ANXA2: variants seen among roughly 807,000 people sequenced by gnomAD.
ANXA2 encodes the protein annexin A2.
ANXA2 carries 28 observed loss-of-function variants against 47.3 expected under a neutral mutation model. That is an observed-to-expected ratio of 0.59 (90% CI 0.44 to 0.81). The LOEUF (loss-of-function observed/expected upper bound fraction) is 0.81, where lower values mean the gene tolerates loss of function less well. Ranked by LOEUF, ANXA2 falls within the 40% of genes least tolerant of loss-of-function variation. ANXA2 has a pLI of 0.00. For synonymous variants in ANXA2, 172 were observed against 155.5 expected, an observed-to-expected ratio of 1.11 and a Z score of -0.79; for missense variants, 384 against 414.3, an observed-to-expected ratio of 0.93 and a Z score of 0.64.
intron 3 of ANXA2, among the ~76,000 whole-genome samples, chr15:60,365,139 T>C (rs1003761968): frequency 3.3e-5 from 5 of 151,198 alleles, no homozygotes; most frequent in Non-Finnish European, 7.4e-5. Context: ...TCCACTGCCT[T>C]TAATCTTCAA....
At chr15:60,380,503 A>G (rs552809824) in intron 3 of ANXA2, among the ~76,000 whole-genome samples, 87 of 151,918 alleles carry the variant, frequency 5.7e-4, no homozygotes, top group African/African-American at 1.8e-3. Context: ...CAAAAAAAAA[A>G]AAAAAAGAAA....
chr15:60,351,363 G>A (rs1896006081), intron 10 of ANXA2, 112 bp from the exon 11 acceptor site: 2 of 1,038,154 alleles, frequency 1.9e-6, no homozygotes, highest in African/African-American at 1.6e-5. Context: ...TAATGCAATG[G>A]AAAAGGGCTG....
chr15:60,391,544 G>A (rs867387571), intron 1 of ANXA2, among the ~76,000 whole-genome samples: 1 of 152,148 alleles, frequency 6.6e-6, no homozygotes, highest in Non-Finnish European at 1.5e-5. Flanking sequence ...GCTTGCCTAT[G>A]GAAATACTGG....
chr15:60,353,132 A>G (rs2062374479), intron 8 of ANXA2, among the ~76,000 whole-genome samples: 1 of 152,214 alleles, frequency 6.6e-6, no homozygotes, highest in African/African-American at 2.4e-5. Flanking sequence ...CGTGTGGAAT[A>G]TATTGAATTT....
intron 2 of ANXA2, chr15:60,384,344 G>A (rs530830807): frequency 8.5e-5 from 13 of 152,184 alleles, no homozygotes; most frequent in Admixed American, 3.3e-4. Flanking sequence ...GAAAAGTTTT[G>A]TGTCATTTTA....
rs2062562405 is a variant in ANXA2, at chr15:60,364,434, T to C, written c.238A>G (p.Lys80Glu). Reference protein sequence around the residue: ...DIAFAYQRRTKKELASALKSA... With the variant: ...DIAFAYQRRTEKELASALKSA... ...ATCCCTGGAATTGCCTGTACCTTTT[T>C]GGTCCTTCTCTGGTAGGCGAAGGCA... Residue 80 changes from lysine to glutamate, a missense_variant, in exon 4 of 13, where the codon AAA (lysine) becomes GAA (glutamate). Lys to Glu is a moderately conservative substitution (Grantham distance 56). Transcript: ENST00000451270. 2 of 1,610,900 alleles carry C rather than the reference T, an allele frequency of 1.2e-6. No individual in the cohort carries two copies. Among genetic ancestry groups the C allele is most frequent in the East Asian group, 2.2e-5 (1 of 44,854 alleles).
At position 60,370,511 on chromosome 15, in the gene ANXA2, T is replaced by C. The variant is rs904985448; in HGVS notation, c.149-5988A>G. ...ACTGCTGCTTCCTCTTGCCCTGCTATTGTAATTGGTGAGGCCATTTATTCC... is the reference window on the plus strand; with the variant it reads ...ACTGCTGCTTCCTCTTGCCCTGCTACTGTAATTGGTGAGGCCATTTATTCC... On this transcript the variant is annotated intron_variant, in intron 3 of 12. Coordinates refer to ENST00000451270, the MANE Select transcript of ANXA2 (RefSeq NM_004039.3). Among the ~76,000 whole-genome samples the C allele has an allele frequency of 3.3e-5, 5 of 152,228 alleles. No homozygotes were observed. In the South Asian group the frequency reaches 8.3e-4, roughly 25 times the overall value.
At chr15:60,369,328 C>A (rs1406471169) in intron 3 of ANXA2, among the ~76,000 whole-genome samples, 1 of 152,236 alleles carries the variant, frequency 6.6e-6, no homozygotes, top group Non-Finnish European at 1.5e-5. Flanking sequence ...TCTCAAAATT[C>A]TATGGCTCTA....
rs547355463 is a variant in ANXA2 at position 60,364,876 on chromosome 15, A to G, written c.149-353T>C. Among the ~76,000 whole-genome samples the G allele has an allele frequency of 7.9e-5, 12 of 151,740 alleles. No individual in the cohort carries two copies. The East Asian group carries it at 2.3e-3, about 29-fold the overall frequency. On this transcript the variant is annotated intron_variant, in intron 3 of 12. Transcript: ENST00000451270. Reference sequence around the variant, plus strand: ...CAACAGAGATTTAGTAGGATTTTAAATGAAGGTCCCCAAATTGCCATTTAA... The same window carrying G: ...CAACAGAGATTTAGTAGGATTTTAAGTGAAGGTCCCCAAATTGCCATTTAA...
intron 2 of ANXA2, chr15:60,383,491 G>A (rs558204231): frequency 6.6e-6 from 1 of 152,252 alleles, no homozygotes; most frequent in African/African-American, 2.4e-5. Context: ...TCCCATTCCA[G>A]ATTGAGGTAA....
chr15:60,364,276 A>G (rs993110982), intron 4 of ANXA2, among the ~76,000 whole-genome samples, 153 bp downstream of exon 4: 15 of 152,196 alleles, frequency 9.9e-5, no homozygotes, highest in African/African-American at 3.6e-4. Context: ...ATGTGCAGTG[A>G]CTCTTACAAG....
At position 60,382,413 on chromosome 15, in the gene ANXA2, G is replaced by A. The variant is rs1233109385; in HGVS notation, c.77C>T (p.Ser26Phe). The A allele has an allele frequency of 1.9e-6, 3 of 1,613,680 alleles. No homozygotes were observed. The highest frequency in any genetic ancestry group is 2.5e-6 in the Non-Finnish European group (3 of 1,179,778). The change falls in exon 3 of 13, where the codon TCT becomes TTT. Residue 26 changes from serine (S) to phenylalanine (F), a missense_variant. Ser to Phe is a radical substitution (Grantham distance 155). Transcript: ENST00000451270. ...ATCAAAGTTAGTATAGGCTTTGACA[G>A]ACCCATATGCACTTGGGGGTGTAGA... ...DHSTPPSAYG[S>F]VKAYTNFDAE...
intron 1 of ANXA2, chr15:60,393,179 G>A: frequency 2.5e-6 from 3 of 1,223,562 alleles, no homozygotes; most frequent in Non-Finnish European, 3.1e-6. Context: ...CACAGCACTT[G>A]CTCCAGCTTG....
At chr15:60,378,758 G>C (rs1377433176) in intron 3 of ANXA2, among the ~76,000 whole-genome samples, 2 of 152,100 alleles carry the variant, frequency 1.3e-5, no homozygotes, top group Non-Finnish European at 2.9e-5. Flanking sequence ...TTGAGGCCAG[G>C]AGTTCGAGAG....
At chr15:60,381,517 T>C (rs937325600) in intron 3 of ANXA2, among the ~76,000 whole-genome samples, 1 of 152,090 alleles carries the variant, frequency 6.6e-6, no homozygotes, top group African/African-American at 2.4e-5. Context: ...CAGAAAACAA[T>C]ATAATGACCA....
intron 1 of ANXA2, among the ~76,000 whole-genome samples, chr15:60,396,821 A>G (rs997403506): frequency 6.6e-6 from 1 of 152,204 alleles, no homozygotes; most frequent in Non-Finnish European, 1.5e-5. Context: ...GTTCTTGGTA[A>G]TGGCCCAGCG....
At position 60,347,554 on chromosome 15, in the gene ANXA2, C is replaced by A. The variant is rs956432452; in HGVS notation, c.*76G>T. The A allele has an allele frequency of 3.4e-6, 5 of 1,480,628 alleles. No homozygotes were observed. The highest frequency in any genetic ancestry group is 1.4e-5 in the African/African-American group (1 of 72,276). The allele number at this position is 1,480,628 out of a possible 1,614,324, so 91.7% of individuals were successfully genotyped here. Reference sequence around the variant, plus strand: ...AGGGATGGCCACGGGGACTGTTATTCGCAAGCTGGTTTTCTAGACCTGTTA... The same window carrying A: ...AGGGATGGCCACGGGGACTGTTATTAGCAAGCTGGTTTTCTAGACCTGTTA... On this transcript the variant is annotated 3_prime_UTR_variant, in exon 13 of 13. Coordinates refer to ENST00000451270, the MANE Select transcript of ANXA2 (RefSeq NM_004039.3).
chr15:60,387,316 G>T (rs1003005748), intron 1 of ANXA2, among the ~76,000 whole-genome samples: 2 of 152,142 alleles, frequency 1.3e-5, no homozygotes, highest in African/African-American at 4.8e-5. Context: ...GTCAGTCAAA[G>T]ACCTTCCACT....
At chr15:60,358,367 G>A (rs1455958588) in intron 5 of ANXA2, among the ~76,000 whole-genome samples, 1 of 152,078 alleles carries the variant, frequency 6.6e-6, no homozygotes, top group Non-Finnish European at 1.5e-5. Context: ...TTAATAATCA[G>A]GATTCTTTAA....
Sources: allele counts gnomAD v4.1 joint callset (sites outside exome capture counted in the v4.1 genomes callset), GRCh38; gene constraint gnomAD v4.1.1; transcripts MANE v1.5; gene names NCBI Gene and HGNC (gene_info 2026-07-23, HGNC 2026-07-21).